Variants in CNKSR1 observed in about 807,000 individuals in gnomAD.
The protein encoded by CNKSR1 is CNK homolog protein 1.
CNKSR1 carries 88 observed loss-of-function variants against 95.6 expected under a neutral mutation model. The observed-to-expected ratio is 0.92, with a 90% CI of 0.78 to 1.10. CNKSR1 has a LOEUF of 1.10. Among genes scored for constraint, CNKSR1 ranks in the 50% least tolerant of loss-of-function variants. The pLI, the probability that CNKSR1 is intolerant of heterozygous loss-of-function variation, is 0.00. For missense variants in CNKSR1, 836 were observed against 912.0 expected (o/e 0.92, Z 1.07); for synonymous variants, 355 against 369.7 (o/e 0.96, Z 0.46).
rs759979710 is a variant in CNKSR1, at chr1:26,189,297, C to T, written c.1891C>T (p.Gln631Ter). ...STLKAKLQEL[Q>*]VLEEVLGDPE... Reference sequence around the variant, plus strand: ...CACACAGGCAAAGCTGCAGGAGCTGCAGGTCCTAGAAGAAGTGCTGGGTGA... The same window carrying T: ...CACACAGGCAAAGCTGCAGGAGCTGTAGGTCCTAGAAGAAGTGCTGGGTGA... Residue 631 changes from glutamine to a stop codon, truncating the protein, a stop_gained, in exon 21 of 21, where the codon CAG becomes TAG. Transcript: ENST00000361530. LOFTEE classifies it low-confidence loss of function (END_TRUNC). 1.1e-5 allele frequency: 17 copies of T among 1,614,164 alleles called. No individual in the cohort carries two copies. Among genetic ancestry groups the T allele is most frequent in the Non-Finnish European group, 1.3e-5 (15 of 1,180,022 alleles).
chr1:26,189,560 A>G lies in CNKSR1; in HGVS notation c.*12A>G, dbSNP rs765760793. ...CTCCTGACCTCTGACCCTGGCCAGC[A>G]CTCTAGCTCCTGACCTTTGACCCGA... is the stretch of plus-strand genomic sequence containing the variant. On this transcript the variant is annotated 3_prime_UTR_variant, in exon 21 of 21. Transcript: ENST00000361530. 8 of 1,341,068 alleles carry G rather than the reference A, an allele frequency of 6.0e-6. No homozygotes were observed. The highest frequency in any genetic ancestry group is 8.6e-6 in the Non-Finnish European group (8 of 931,118). The allele number at this position is 1,341,068 out of a possible 1,614,324, so 83.1% of individuals were successfully genotyped here. A position where few individuals can be genotyped will look rare whatever the true frequency, so the allele number is the denominator to read the frequency against.
chr1:26,180,400 C>CA (rs1474164781), intron 1 of CNKSR1, 53 bp from the exon 2 acceptor site: 146 of 1,609,134 alleles, frequency 9.1e-5, no homozygotes, highest in Non-Finnish European at 1.2e-4. Context: ...AGAACCATCC[C>CA]AAAAGGTCCT....
chr1:26,177,748 G>A, intron 1 of CNKSR1, 149 bp downstream of exon 1: 1 of 871,534 alleles, frequency 1.1e-6, no homozygotes, highest in Non-Finnish European at 1.8e-6. Flanking sequence ...AGCCAAGGTG[G>A]GTGGGTCACC....
intron 20 of CNKSR1, 138 bp downstream of exon 20, chr1:26,189,091 G>A: frequency 7.8e-7 from 1 of 1,275,704 alleles, no homozygotes; most frequent in Non-Finnish European, 1.1e-6. Context: ...GCAGCTGACA[G>A]CGGGCTCAGC....
At chr1:26,180,636 T>A (rs1253107184) in intron 2 of CNKSR1, 26 bp downstream of exon 2, 8 of 1,614,000 alleles carry the variant, frequency 5.0e-6, no homozygotes, top group African/African-American at 1.3e-5. Context: ...TCACACTGGC[T>A]GCAGCTTCCA....
chr1:26,183,892 C>A, intron 9 of CNKSR1, 62 bp downstream of exon 9: 1 of 479,502 alleles, frequency 2.1e-6, no homozygotes. Flanking sequence ...GTACCTGCCC[C>A]CACCACCCCC....
In CNKSR1 at chr1:26,189,368, C is replaced by T. The variant is rs1246588703; in HGVS notation, c.1962C>T (p.Asn654=). ...GEKFRQWKEQ[N]RELYSEGLGA... is the part of the protein sequence containing the mutation. Reference sequence around the variant, plus strand: ...AGTTCCGCCAGTGGAAGGAGCAGAACCGGGAGCTGTACTCAGAGGGCCTGG... The same window carrying T: ...AGTTCCGCCAGTGGAAGGAGCAGAATCGGGAGCTGTACTCAGAGGGCCTGG... The change falls in exon 21 of 21, where the codon AAC becomes AAT. Residue 654 remains asparagine (N), a synonymous_variant. Coordinates refer to ENST00000361530, the MANE Select transcript of CNKSR1 (RefSeq NM_006314.3). 1 of 1,613,886 alleles carries T rather than the reference C, an allele frequency of 6.2e-7. No individual in the cohort carries two copies. Among genetic ancestry groups the T allele is most frequent in the East Asian group, 2.2e-5 (1 of 44,888 alleles).
Position 26,180,974 on chromosome 1 carries a change from C to A in CNKSR1, c.392+78C>A, listed in dbSNP as rs2088638397. 8.3e-6 allele frequency: 13 copies of A among 1,563,924 alleles called. 1 individual carries two copies. In the South Asian group the frequency reaches 1.3e-4, roughly 16 times the overall value. On this transcript the variant is annotated intron_variant, in intron 3 of 20. Transcript: ENST00000361530. Reference sequence around the variant, plus strand: ...CAGGGCGTGGGAGAGAAAAACAGATCTTGGCTCTTGTTCAGATATGGTGAG... The same window carrying A: ...CAGGGCGTGGGAGAGAAAAACAGATATTGGCTCTTGTTCAGATATGGTGAG...
intron 20 of CNKSR1, 30 bp downstream of exon 20, chr1:26,188,983 G>A (rs1213687039): frequency 6.2e-7 from 1 of 1,609,642 alleles, no homozygotes. Context: ...GCACAGCAAG[G>A]GACTAGGCTC....
intron 1 of CNKSR1, among the ~76,000 whole-genome samples, chr1:26,179,388 G>T (rs1039315449): frequency 1.2e-4 from 18 of 152,132 alleles, no homozygotes; most frequent in African/African-American, 4.1e-4. Flanking sequence ...GGAGATAGAA[G>T]AGCAACGCCA....
chr1:26,185,085 C>A lies in CNKSR1; in HGVS notation c.1207C>A (p.Leu403Ile). 6.2e-7 allele frequency: 1 copy of A among 1,605,936 alleles called. No individual in the cohort carries two copies. Among genetic ancestry groups the A allele is most frequent in the Non-Finnish European group, 8.5e-7 (1 of 1,178,166 alleles). ...GGGCCGGCCGGACTGTGACGGCTGG[C>A]TCCTGTTGCGAAAGGCACCGGGCGG... ...ELGRPDCDGW[L>I]LLRKAPGGFM... Residue 403 changes from leucine (L) to isoleucine (I), a missense_variant, in exon 14 of 21, where the codon CTC becomes ATC. Transcript: ENST00000361530.
Position 26,189,516 on chromosome 1 carries a change from T to G in CNKSR1, c.2110T>G (p.Ser704Ala), listed in dbSNP as rs775148471. ...GCACTCCCATCTCTGCCCCCTGACC[T>G]CAGAGAGCAGCCTCCGACCTCCTGA... ...EEHSHLCPLTSESSLRPPDL is the reference protein window; with the variant it reads ...EEHSHLCPLTAESSLRPPDL The change falls in exon 21 of 21, where the codon TCA (serine) becomes GCA (alanine). Residue 704 changes from serine (S) to alanine (A), a missense_variant. Transcript: ENST00000361530. 49 of 1,588,856 alleles carry G rather than the reference T, an allele frequency of 3.1e-5. No individual in the cohort carries two copies. Among genetic ancestry groups the G allele is most frequent in the Non-Finnish European group, 4.3e-6 (5 of 1,157,376 alleles).
chr1:26,184,691 C>T, intron 13 of CNKSR1, 79 bp downstream of exon 13: 1 of 1,469,454 alleles, frequency 6.8e-7, no homozygotes, highest in Admixed American at 2.0e-5. Flanking sequence ...GGCAAGACCA[C>T]CCCCATCCTT....
At position 26,188,286 on chromosome 1, in the gene CNKSR1, G is replaced by T; in HGVS notation, c.1507G>T (p.Ala503Ser). 1.9e-6 allele frequency: 3 copies of T among 1,613,910 alleles called. No homozygotes were observed. Among genetic ancestry groups the T allele is most frequent in the Non-Finnish European group, 2.5e-6 (3 of 1,179,958 alleles). The change falls in exon 17 of 21, where the codon GCC (alanine) becomes TCC (serine). Residue 503 changes from alanine to serine, a missense_variant. Coordinates refer to ENST00000361530, the MANE Select transcript of CNKSR1 (RefSeq NM_006314.3). ...CISKYQSPGR[A>S]PPPREEDCYS... ...CTCCAAGTACCAGTCTCCAGGCCGG[G>T]CCCCCCCACCCCGAGAGGAAGGTAG...
chr1:26,180,991 T>C lies in CNKSR1; in HGVS notation c.392+95T>C. 1.5e-5 allele frequency: 23 copies of C among 1,506,008 alleles called. No individual in the cohort carries two copies. The South Asian group carries it at 2.6e-4, about 17-fold the overall frequency. The allele number at this position is 1,506,008 out of a possible 1,614,324, so 93.3% of individuals were successfully genotyped here. A position where few individuals can be genotyped will look rare whatever the true frequency, so the allele number is the denominator to read the frequency against. Reference sequence around the variant, plus strand: ...AAACAGATCTTGGCTCTTGTTCAGATATGGTGAGCCAGGCGTGGTGGCTTA... The same window carrying C: ...AAACAGATCTTGGCTCTTGTTCAGACATGGTGAGCCAGGCGTGGTGGCTTA... On this transcript the variant is annotated intron_variant, in intron 3 of 20. Coordinates refer to ENST00000361530, the MANE Select transcript of CNKSR1 (RefSeq NM_006314.3).
rs1415223530 is a variant in CNKSR1, at chr1:26,184,250, T to C, written c.963T>C (p.Ser321=). ...AAGACGTCTTTGCCTTTGACCTGTC[T>C]TCAAACCCCAGTCCCGGACCCAGCC... ...PSEDVFAFDL[S]SNPSPGPSPA... Residue 321 remains serine, a synonymous_variant, in exon 11 of 21, where the codon TCT becomes TCC. Transcript: ENST00000361530. 1 of 1,613,620 alleles carries C rather than the reference T, an allele frequency of 6.2e-7. No individual in the cohort carries two copies. The highest frequency in any genetic ancestry group is 1.1e-5 in the South Asian group (1 of 91,050).
chr1:26,183,925 C>G (rs2088693499), intron 9 of CNKSR1, 95 bp downstream of exon 9: 3 of 505,852 alleles, frequency 5.9e-6, no homozygotes, highest in Non-Finnish European at 1.1e-5. Context: ...AGACCCCCCC[C>G]AACAGGCACC....
chr1:26,189,277 A>G lies in CNKSR1; in HGVS notation c.1873-2A>G. On this transcript the variant is annotated splice_acceptor_variant, in intron 20 of 20. Coordinates refer to ENST00000361530, the MANE Select transcript of CNKSR1 (RefSeq NM_006314.3). LOFTEE classifies it high-confidence loss of function. ...GTCCCTTAGCCCCTCCTCTCCACAC[A>G]GGCAAAGCTGCAGGAGCTGCAGGTC... 6.2e-7 allele frequency: 1 copy of G among 1,614,066 alleles called. No homozygotes were observed. The highest frequency in any genetic ancestry group is 8.5e-7 in the Non-Finnish European group (1 of 1,180,006).
rs115491540 is a variant in CNKSR1 at position 26,177,979 on chromosome 1, A to T, written c.52+380A>T. 6.5e-3 allele frequency among the ~76,000 whole-genome samples: 986 copies of T among 152,184 alleles called. 17 individuals carry two copies. The highest frequency in any genetic ancestry group is 0.022 in the African/African-American group (912 of 41,546). On this transcript the variant is annotated intron_variant, in intron 1 of 20. Transcript: ENST00000361530. ...GAGATTCAGCTCAAAAGAAAAAAAA[A>T]AATAATAAACTGCGGGCTCTATCAG...
Sources: allele counts gnomAD v4.1 joint callset (sites outside exome capture counted in the v4.1 genomes callset), GRCh38; gene constraint gnomAD v4.1.1; transcripts MANE v1.5; gene names NCBI Gene and HGNC (gene_info 2026-07-23, HGNC 2026-07-21).